ISM1: variants seen among roughly 807,000 people sequenced by gnomAD.
ISM1 encodes isthmin-1.
Under a neutral mutation model 46.3 loss-of-function variants are expected in ISM1, and 25 were observed. The ratio of observed to expected loss-of-function variants is 0.54; its 90% CI spans 0.39 to 0.75. The LOEUF (loss-of-function observed/expected upper bound fraction) is 0.75. Among genes scored for constraint, ISM1 ranks in the 30% least tolerant of loss-of-function variants. The probability of loss-of-function intolerance (pLI) is 0.00; values close to 1 mark genes in which losing one functional copy is unlikely to be tolerated. For synonymous variants in ISM1, 255 were observed against 256.7 expected (o/e 0.99, Z 0.06); for missense variants, 536 against 625.4 (o/e 0.86, Z 1.52).
intron 1 of ISM1, among the ~76,000 whole-genome samples, chr20:13,256,950 G>A (rs2123210029): frequency 6.6e-6 from 1 of 152,288 alleles, no homozygotes; most frequent in South Asian, 2.1e-4. Context: ...GGGAAGATAG[G>A]AGCTGGGCCT....
At chr20:13,231,511 C>T (rs2039587898) in intron 1 of ISM1, among the ~76,000 whole-genome samples, 1 of 152,146 alleles carries the variant, frequency 6.6e-6, no homozygotes, top group South Asian at 2.1e-4. Context: ...GCCTCAGAGG[C>T]GTGTGGGATT....
At chr20:13,261,666 C>T (rs1288830104) in intron 1 of ISM1, among the ~76,000 whole-genome samples, 1 of 152,142 alleles carries the variant, frequency 6.6e-6, no homozygotes, top group Non-Finnish European at 1.5e-5. Context: ...TTCAGGATTC[C>T]AAGGTTAACG....
chr20:13,241,869 C>G (rs1460487203), intron 1 of ISM1, among the ~76,000 whole-genome samples: 1 of 152,052 alleles, frequency 6.6e-6, no homozygotes, highest in Non-Finnish European at 1.5e-5. Context: ...GAAGTTGGAT[C>G]ACTGAGTTCA....
At chr20:13,239,255 G>A (rs1035303802) in intron 1 of ISM1, among the ~76,000 whole-genome samples, 3 of 152,212 alleles carry the variant, frequency 2.0e-5, no homozygotes, top group Non-Finnish European at 2.9e-5. Context: ...GTTCTCCCCA[G>A]GGACTCATTG....
chr20:13,246,893 T>A (rs1166191704), intron 1 of ISM1, among the ~76,000 whole-genome samples: 3 of 152,092 alleles, frequency 2.0e-5, no homozygotes, highest in Non-Finnish European at 2.9e-5. Context: ...CTTTTTTTTT[T>A]AAACCATTCC....
rs142181020 is a variant in ISM1 at position 13,285,145 on chromosome 20, G to T, written c.644-3395G>T. On this transcript the variant is annotated intron_variant, in intron 3 of 5. Transcript: ENST00000262487. ...CTATAAAATTTTTTTGAAAACTTTG[G>T]CCAGGCATGTTGGCACATGCCTGTA... Among the ~76,000 whole-genome samples, 233 of 152,152 alleles carry T rather than the reference G, an allele frequency of 1.5e-3. 3 individuals are homozygous for T. In the East Asian group the frequency reaches 0.031, roughly 20 times the overall value.
intron 1 of ISM1, among the ~76,000 whole-genome samples, chr20:13,268,163 TCTCTC>T (rs142810604): frequency 0.073 from 10,908 of 149,440 alleles, 484 homozygotes; most frequent in Non-Finnish European, 0.096. Flanking sequence ...TCCCTTCCCT[TCTCTC>T]CTCTCCTCTC....
chr20:13,318,413 G>A, the ISM1 span, among the ~76,000 whole-genome samples: 1 of 152,072 alleles, frequency 6.6e-6, no homozygotes, highest in African/African-American at 2.4e-5. Context: ...TTGGAAGACA[G>A]TTTGATGTTT....
At position 13,299,734 on chromosome 20, in the gene ISM1, C is replaced by G. The variant is rs946436600; in HGVS notation, c.*275C>G. 1 of 357,190 alleles carries G rather than the reference C, an allele frequency of 2.8e-6. No individual in the cohort carries two copies. The highest frequency in any genetic ancestry group is 5.1e-6 in the Non-Finnish European group (1 of 196,394). 22.1% of individuals were successfully genotyped at this position (357,190 alleles called of 1,614,324 possible). On this transcript the variant is annotated 3_prime_UTR_variant, in exon 6 of 6. Coordinates refer to ENST00000262487, the MANE Select transcript of ISM1 (RefSeq NM_080826.2). This position sits in a 1 kb window ranked among gnomAD's most constrained non-coding sequence, Gnocchi z 5.8. ...GACAACTTGGAAGCCAGAAGAAGAA[C>G]CTGGAAGCCACAGTGGGTGCGACTC...
intron 1 of ISM1, among the ~76,000 whole-genome samples, chr20:13,246,129 C>T (rs1056013545): frequency 2.0e-5 from 3 of 152,048 alleles, no homozygotes; most frequent in South Asian, 2.1e-4. Flanking sequence ...AAGAATTAGT[C>T]GGGCATGGTG....
At chr20:13,224,602 G>T (rs1481109800) in intron 1 of ISM1, among the ~76,000 whole-genome samples, 1 of 151,986 alleles carries the variant, frequency 6.6e-6, no homozygotes, top group Non-Finnish European at 1.5e-5. Context: ...TTTTATCTCT[G>T]TGTACAACCT....
chr20:13,275,167 C>G (rs879813304), intron 2 of ISM1, among the ~76,000 whole-genome samples: 2 of 152,108 alleles, frequency 1.3e-5, no homozygotes, highest in African/African-American at 4.8e-5. Context: ...TTCATTTCAA[C>G]CCATATATTT....
chr20:13,221,689 C>A lies in ISM1; in HGVS notation c.-88C>A, dbSNP rs530587741. On this transcript the variant is annotated 5_prime_UTR_variant, in exon 1 of 6. Coordinates refer to ENST00000262487, the MANE Select transcript of ISM1 (RefSeq NM_080826.2). ...CCGAGGCGGGAGCCGCGCTGCCGGG[C>A]TCCCGGGCTCCTACTCCTCCTCCCC... 13 of 1,146,630 alleles carry A rather than the reference C, an allele frequency of 1.1e-5. No homozygotes were observed. The East Asian group carries it at 3.5e-4, about 31-fold the overall frequency. 71.0% of individuals were successfully genotyped at this position (1,146,630 alleles called of 1,614,324 possible).
At chr20:13,270,863 G>T in intron 2 of ISM1, 120 bp downstream of exon 2, 1 of 902,126 alleles carries the variant, frequency 1.1e-6, no homozygotes, top group Non-Finnish European at 1.7e-6. Flanking sequence ...AATGATTCCT[G>T]CTTAAGATCA....
intron 1 of ISM1, among the ~76,000 whole-genome samples, chr20:13,231,093 T>C (rs1157090799): frequency 1.3e-5 from 2 of 152,186 alleles, no homozygotes; most frequent in Non-Finnish European, 2.9e-5. Context: ...GTTCTTTGTC[T>C]CAGGGCCTGC....
chr20:13,250,380 C>G (rs115901909), intron 1 of ISM1, among the ~76,000 whole-genome samples: 2 of 152,122 alleles, frequency 1.3e-5, no homozygotes, highest in Non-Finnish European at 2.9e-5. Context: ...GAATTTCACA[C>G]GTACTGAAGA....
intron 1 of ISM1, among the ~76,000 whole-genome samples, chr20:13,262,970 C>G (rs1055667285): frequency 6.6e-6 from 1 of 152,168 alleles, no homozygotes; most frequent in Non-Finnish European, 1.5e-5. Context: ...ACCGTGACAG[C>G]AGGCTCCATT....
chr20:13,247,071 A>C (rs112793883), intron 1 of ISM1, among the ~76,000 whole-genome samples: 5,525 of 152,170 alleles, frequency 0.036, 175 homozygotes, highest in African/African-American at 0.077. Flanking sequence ...CCCCGTCTCT[A>C]CTGAAAATAC....
chr20:13,280,641 G>A (rs150164345), intron 3 of ISM1, among the ~76,000 whole-genome samples: 1 of 152,230 alleles, frequency 6.6e-6, no homozygotes, highest in Non-Finnish European at 1.5e-5. Flanking sequence ...GTGTCCAGCT[G>A]GTGTCCAGGG....
Sources: allele counts gnomAD v4.1 joint callset (sites outside exome capture counted in the v4.1 genomes callset), GRCh38; gene constraint gnomAD v4.1.1; non-coding constraint Gnocchi (gnomAD v3.1); transcripts MANE v1.5; gene names NCBI Gene and HGNC (gene_info 2026-07-23, HGNC 2026-07-21).